The following MYO1D variants were observed in gnomAD, a reference collection of about 807,000 sequenced individuals.
The protein encoded by MYO1D is unconventional myosin-Id.
In MYO1D, 83 loss-of-function variants were observed where a neutral mutation model predicts 122.0. The ratio of observed to expected loss-of-function variants is 0.68; its 90% CI spans 0.57 to 0.82. MYO1D has a LOEUF of 0.82. Among genes scored for constraint, MYO1D ranks in the 40% least tolerant of loss-of-function variants. The pLI is 0.00. For synonymous variants in MYO1D, 464 were observed against 446.9 expected, an observed-to-expected ratio of 1.04 and a Z score of -0.48; for missense variants, 1,157 against 1,269.5, an observed-to-expected ratio of 0.91 and a Z score of 1.35.
intron 21 of MYO1D, among the ~76,000 whole-genome samples, chr17:32,517,495 G>A (rs1909933264): frequency 6.6e-6 from 1 of 152,120 alleles, no homozygotes; most frequent in Admixed American, 6.5e-5. Flanking sequence ...TTGATTGCAC[G>A]TTAAGCTTAT....
rs1286860678 is a variant in MYO1D, at chr17:32,729,887, T to C, written c.1746+8366A>G. Among the ~76,000 whole-genome samples, 3 of 152,214 alleles carry C rather than the reference T, an allele frequency of 2.0e-5. No homozygotes were observed. The East Asian group carries it at 5.8e-4, about 29-fold the overall frequency. On this transcript the variant is annotated intron_variant, in intron 14 of 21. Transcript: ENST00000318217. ...AAATGGGATAAAGGTGATCCCAGACTGTCGAACTGATATAAACTTTCAGTT... is the reference window on the plus strand; with the variant it reads ...AAATGGGATAAAGGTGATCCCAGACCGTCGAACTGATATAAACTTTCAGTT...
At chr17:32,616,657 T>G (rs2087772994) in intron 20 of MYO1D, among the ~76,000 whole-genome samples, 1 of 152,050 alleles carries the variant, frequency 6.6e-6, no homozygotes, top group Admixed American at 6.6e-5. Context: ...AAAAATAATT[T>G]TTAATCAGCG....
At chr17:32,751,231 C>A (rs1359807797) in intron 11 of MYO1D, among the ~76,000 whole-genome samples, 2 of 152,100 alleles carry the variant, frequency 1.3e-5, no homozygotes, top group African/African-American at 4.8e-5. Context: ...ATAACTGTCA[C>A]AAGACAGAAA....
intron 1 of MYO1D, among the ~76,000 whole-genome samples, chr17:32,816,218 A>T (rs1248514270): frequency 6.6e-6 from 1 of 152,218 alleles, no homozygotes; most frequent in Non-Finnish European, 1.5e-5. Flanking sequence ...TGAGGAACAC[A>T]GTTTTAAAAA....
intron 13 of MYO1D, among the ~76,000 whole-genome samples, chr17:32,739,591 T>C (rs1288629080): frequency 2.0e-5 from 3 of 151,444 alleles, no homozygotes; most frequent in Non-Finnish European, 4.4e-5. Flanking sequence ...TGTATACATA[T>C]GTAACAAACC....
intron 21 of MYO1D, among the ~76,000 whole-genome samples, chr17:32,600,025 T>C (rs1006000830): frequency 1.1e-4 from 16 of 152,250 alleles, no homozygotes; most frequent in African/African-American, 3.4e-4. Flanking sequence ...GCACAATAGA[T>C]GCTGTGTTTG....
intron 16 of MYO1D, among the ~76,000 whole-genome samples, chr17:32,700,761 T>C (rs1025388684): frequency 6.6e-6 from 1 of 151,964 alleles, no homozygotes; most frequent in Non-Finnish European, 1.5e-5. Flanking sequence ...CTGGCCAACA[T>C]GGTGAAACCC....
In MYO1D at chr17:32,712,028, C is replaced by T. The variant is rs371286076; in HGVS notation, c.2081G>A (p.Arg694His). The change falls in exon 16 of 22, where the codon CGT becomes CAT. Residue 694 changes from arginine (R) to histidine (H), a missense_variant. Arg to His is a conservative substitution (Grantham distance 29). Transcript: ENST00000318217. ...PRTLFTLEEL[R>H]AQMLIRIVLF... ...GACAATCCTTATGAGCATCTGGGCA[C>T]GGAGTTCTTCCAAGGTAAACAATGT... 2.5e-5 allele frequency: 40 copies of T among 1,613,932 alleles called. No individual in the cohort carries two copies. In the South Asian group the frequency reaches 2.9e-4, roughly 12 times the overall value.
chr17:32,591,090 CTG>C (rs1455297720), intron 21 of MYO1D, among the ~76,000 whole-genome samples: 1 of 152,240 alleles, frequency 6.6e-6, no homozygotes, highest in Non-Finnish European at 1.5e-5. Context: ...CTGAGGATGA[CTG>C]TGCCCCTGCA....
At chr17:32,622,310 T>C (rs1192390653) in intron 20 of MYO1D, among the ~76,000 whole-genome samples, 7 of 152,140 alleles carry the variant, frequency 4.6e-5, no homozygotes, top group African/African-American at 1.7e-4. Flanking sequence ...CTGCTTTTCC[T>C]GTCACCAGTC....
chr17:32,554,186 T>C (rs925528932), intron 21 of MYO1D, among the ~76,000 whole-genome samples: 4 of 151,842 alleles, frequency 2.6e-5, no homozygotes, highest in Non-Finnish European at 5.9e-5. Context: ...GAGCTGAGAG[T>C]CCCTGCCCCT....
intron 2 of MYO1D, among the ~76,000 whole-genome samples, chr17:32,780,062 G>A (rs1385289716): frequency 6.6e-6 from 1 of 152,074 alleles, no homozygotes; most frequent in Non-Finnish European, 1.5e-5. Flanking sequence ...TCAAACATGT[G>A]AGGTGTGTAC....
chr17:32,683,204 G>A lies in MYO1D; in HGVS notation c.2122-23866C>T, dbSNP rs1053711051. Among the ~76,000 whole-genome samples the A allele has an allele frequency of 1.7e-3, 253 of 149,578 alleles. 1 individual carries two copies. The highest frequency in any genetic ancestry group is 5.9e-3 in the African/African-American group (238 of 40,154). ...TTGCCTTTGGTTTGAATGTCCTCCC[G>A]TAGCTTAGAGTAATTTGATCGTCTG... On this transcript the variant is annotated intron_variant, in intron 16 of 21. Transcript: ENST00000318217.
chr17:32,876,970 G>T lies in MYO1D; in HGVS notation c.-98C>A. The T allele has an allele frequency of 1.6e-6, 1 of 632,992 alleles. No homozygotes were observed. Among genetic ancestry groups the T allele is most frequent in the Non-Finnish European group, 2.2e-6 (1 of 453,150 alleles). The allele number at this position is 632,992 out of a possible 1,614,324, so 39.2% of individuals were successfully genotyped here. A position where few individuals can be genotyped will look rare whatever the true frequency, so the allele number is the denominator to read the frequency against. The stretch of plus-strand genomic sequence containing the variant: ...GGAGGGGCCGGGGCGAGGCCGCGCC[G>T]CGAGGCTACGGGGAGGGGGCGCGCA... On this transcript the variant is annotated 5_prime_UTR_variant, in exon 1 of 22. Coordinates refer to ENST00000318217, the MANE Select transcript of MYO1D (RefSeq NM_015194.3).
At chr17:32,646,242 A>T (rs574297656) in intron 19 of MYO1D, among the ~76,000 whole-genome samples, 14 of 152,328 alleles carry the variant, frequency 9.2e-5, no homozygotes, top group African/African-American at 3.1e-4. Flanking sequence ...ACAAATATTC[A>T]ATAGAACACT....
intron 21 of MYO1D, among the ~76,000 whole-genome samples, chr17:32,532,461 C>T (rs1369080622): frequency 6.6e-6 from 1 of 152,204 alleles, no homozygotes; most frequent in Admixed American, 6.5e-5. Flanking sequence ...GACACAGTGG[C>T]TCATGCCTGT....
intron 20 of MYO1D, among the ~76,000 whole-genome samples, chr17:32,630,009 G>A (rs961260404): frequency 4.6e-5 from 7 of 152,202 alleles, no homozygotes; most frequent in African/African-American, 1.7e-4. Flanking sequence ...TTAAAGATAA[G>A]CGATGGGGGA....
At chr17:32,857,501 C>T (rs1445296028) in intron 1 of MYO1D, among the ~76,000 whole-genome samples, 1 of 150,478 alleles carries the variant, frequency 6.6e-6, no homozygotes, top group Admixed American at 6.7e-5. Context: ...AGGGGAATGG[C>T]GTGAACCCAG....
At chr17:32,526,218 CT>C (rs1910337580) in intron 21 of MYO1D, among the ~76,000 whole-genome samples, 1 of 152,220 alleles carries the variant, frequency 6.6e-6, no homozygotes, top group Admixed American at 6.5e-5. Flanking sequence ...GTTCTGTTCA[CT>C]GTTTTATCCC....
Sources: allele counts gnomAD v4.1 joint callset (sites outside exome capture counted in the v4.1 genomes callset), GRCh38; gene constraint gnomAD v4.1.1; transcripts MANE v1.5; gene names NCBI Gene and HGNC (gene_info 2026-07-23, HGNC 2026-07-21).